The following CDIN1 variants were observed in gnomAD, a reference collection of about 807,000 sequenced individuals.
CDIN1 encodes the protein CDAN1-interacting nuclease 1.
Under a neutral mutation model 45.3 loss-of-function variants are expected in CDIN1, and 33 were observed. That is an observed-to-expected ratio of 0.73 (90% CI 0.55 to 0.97). CDIN1 has a LOEUF of 0.97. Among genes scored for constraint, CDIN1 ranks in the 50% least tolerant of loss-of-function variants. The pLI is 0.00. For missense variants in CDIN1, 303 were observed against 339.4 expected (o/e 0.89, Z 0.84); for synonymous variants, 118 against 124.4 (o/e 0.95, Z 0.34).
chr15:36,797,279 C>T (rs918765318), intron 10 of CDIN1, among the ~76,000 whole-genome samples: 1 of 152,222 alleles, frequency 6.6e-6, no homozygotes, highest in Non-Finnish European at 1.5e-5. Context: ...AACAGATGAA[C>T]CTGCTGAGAT....
intron 10 of CDIN1, among the ~76,000 whole-genome samples, chr15:36,783,343 AG>A (rs2054400822): frequency 1.1e-5 from 1 of 89,760 alleles, no homozygotes; most frequent in South Asian, 5.1e-4. Flanking sequence ...TTGGGATTGG[AG>A]TAGCTTTTTT....
chr15:36,612,539 A>C (rs12324015), intron 1 of CDIN1, among the ~76,000 whole-genome samples: 266 of 152,286 alleles, frequency 1.7e-3, no homozygotes, highest in African/African-American at 5.7e-3. Context: ...GATCAGAATG[A>C]GGCTGCATGA....
chr15:36,616,496 G>A (rs1360108633), intron 1 of CDIN1, among the ~76,000 whole-genome samples: 1 of 151,830 alleles, frequency 6.6e-6, no homozygotes, highest in Non-Finnish European at 1.5e-5. Flanking sequence ...TGGTCAGGCT[G>A]GTCTCAAACT....
intron 1 of CDIN1, among the ~76,000 whole-genome samples, chr15:36,587,578 G>T (rs1595707736): frequency 6.6e-6 from 1 of 152,084 alleles, no homozygotes; most frequent in East Asian, 1.9e-4. Flanking sequence ...CTTATTTGAG[G>T]TGGCTTGGTT....
chr15:36,588,748 G>T (rs1164983447), intron 1 of CDIN1, among the ~76,000 whole-genome samples: 1 of 151,910 alleles, frequency 6.6e-6, no homozygotes, highest in Non-Finnish European at 1.5e-5. Context: ...CTTCTGAAAG[G>T]TTATTATGTT....
chr15:36,698,167 G>T lies in CDIN1; in HGVS notation c.544+777G>T, dbSNP rs529178016. Reference sequence around the variant, plus strand: ...ATAGAACAACATTGGATTACATAAGGTTTTTTCCAAAATGGGCAAAGAATT... The same window carrying T: ...ATAGAACAACATTGGATTACATAAGTTTTTTTCCAAAATGGGCAAAGAATT... On this transcript the variant is annotated intron_variant, in intron 8 of 10. Coordinates refer to ENST00000566621, the MANE Select transcript of CDIN1 (RefSeq NM_001321759.2). Among the ~76,000 whole-genome samples, 4 of 152,216 alleles carry T rather than the reference G, an allele frequency of 2.6e-5. No homozygotes were observed. The South Asian group carries it at 6.2e-4, about 24-fold the overall frequency.
At chr15:36,741,321 A>G (rs1405409345) in intron 10 of CDIN1, among the ~76,000 whole-genome samples, 1 of 152,196 alleles carries the variant, frequency 6.6e-6, no homozygotes, top group Non-Finnish European at 1.5e-5. Context: ...TAGAAACAAA[A>G]CAACTTTACC....
intron 5 of CDIN1, among the ~76,000 whole-genome samples, chr15:36,673,928 G>A (rs2041546341): frequency 6.6e-6 from 1 of 152,018 alleles, no homozygotes; most frequent in African/African-American, 2.4e-5. Context: ...GTGAGAATGA[G>A]ATTTTTTTTT....
chr15:36,682,767 C>CAAAAAAAAAAAAAAAAAAAAAAAAAAAA (rs10706117), intron 5 of CDIN1, among the ~76,000 whole-genome samples: 1 of 61,406 alleles, frequency 1.6e-5, no homozygotes, highest in Non-Finnish European at 3.2e-5. Flanking sequence ...AAGACCCTGC[C>CAAAAAAAAAAAAAAAAAAAAAAAAAAAA]AAAAAAAAAA....
intron 10 of CDIN1, among the ~76,000 whole-genome samples, chr15:36,798,217 GTGTT>G (rs757048295): frequency 2.6e-5 from 4 of 152,028 alleles, no homozygotes; most frequent in African/African-American, 7.2e-5. Context: ...TTTAAAAGAA[GTGTT>G]TGTTTGATAA....
Position 36,747,253 on chromosome 15 carries a change from A to T in CDIN1, c.716+37292A>T, listed in dbSNP as rs1234245642. The stretch of plus-strand genomic sequence containing the variant: ...GATAGTTCCCGTAACACTTGTAACA[A>T]ACATTTCTGGGTGACAAAATAATTT... On this transcript the variant is annotated intron_variant, in intron 10 of 10. Coordinates refer to ENST00000566621, the MANE Select transcript of CDIN1 (RefSeq NM_001321759.2). The T allele has an allele frequency of 2.3e-5, 8 of 345,306 alleles. No homozygotes were observed. In the East Asian group the frequency reaches 3.4e-4, roughly 15 times the overall value. 21.4% of individuals were successfully genotyped at this position (345,306 alleles called of 1,614,324 possible). A position where few individuals can be genotyped will look rare whatever the true frequency, so the allele number is the denominator to read the frequency against.
chr15:36,658,468 C>G (rs867098296), intron 5 of CDIN1: 1 of 152,092 alleles, frequency 6.6e-6, no homozygotes, highest in African/African-American at 2.4e-5. Flanking sequence ...TGGGGATGTG[C>G]TCGTAAAAGA....
At chr15:36,620,359 T>C (rs1408799992) in intron 1 of CDIN1, among the ~76,000 whole-genome samples, 1 of 151,802 alleles carries the variant, frequency 6.6e-6, no homozygotes, top group Admixed American at 6.6e-5. Flanking sequence ...TCAAAAAAAA[T>C]AAAAATAAAA....
At chr15:36,638,308 G>C (rs1260325533) in intron 1 of CDIN1, among the ~76,000 whole-genome samples, 4 of 152,110 alleles carry the variant, frequency 2.6e-5, no homozygotes, top group Non-Finnish European at 5.9e-5. Context: ...TTCTAAGAGT[G>C]GACATCTGAA....
At chr15:36,803,240 G>A (rs2055109043) in intron 10 of CDIN1, among the ~76,000 whole-genome samples, 1 of 150,380 alleles carries the variant, frequency 6.6e-6, no homozygotes, top group Non-Finnish European at 1.5e-5. Context: ...TGTAACCTTA[G>A]CATCCTAGAT....
intron 10 of CDIN1, among the ~76,000 whole-genome samples, chr15:36,798,146 A>G (rs1025622798): frequency 6.6e-6 from 1 of 152,106 alleles, no homozygotes; most frequent in African/African-American, 2.4e-5. Flanking sequence ...CACTCAACAA[A>G]TATGTATTGG....
chr15:36,641,921 C>T, intron 1 of CDIN1: 1 of 152,310 alleles, frequency 6.6e-6, no homozygotes. Flanking sequence ...CAGAATCTTT[C>T]TCCTCTCCTC....
chr15:36,697,280 G>C (rs771008872), intron 7 of CDIN1, 43 bp from the exon 8 acceptor site: 4 of 1,557,710 alleles, frequency 2.6e-6, no homozygotes, highest in Non-Finnish European at 3.5e-6. Flanking sequence ...TTTCCTGCTG[G>C]TATAATTCTG....
intron 5 of CDIN1, among the ~76,000 whole-genome samples, chr15:36,678,118 G>A (rs2041716633): frequency 6.6e-6 from 1 of 152,188 alleles, no homozygotes; most frequent in Non-Finnish European, 1.5e-5. Context: ...ATTCCCTAAT[G>A]TTAAAAGATA....
Sources: gnomAD v4.1 joint callset for allele counts (sites outside exome capture counted in the v4.1 genomes callset) on GRCh38, gnomAD v4.1.1 for gene constraint, MANE v1.5 for transcripts, NCBI Gene and HGNC (gene_info 2026-07-23, HGNC 2026-07-21) for gene names.